SHISAL1: variants seen among roughly 807,000 people sequenced by gnomAD.
SHISAL1 encodes the protein protein shisa-like-1.
SHISAL1 carries 9 observed loss-of-function variants against 22.6 expected under a neutral mutation model. The observed-to-expected ratio is 0.40, with a 90% CI of 0.24 to 0.70. SHISAL1 has a LOEUF of 0.70. Ranked by LOEUF, SHISAL1 falls within the 30% of genes least tolerant of loss-of-function variation. The pLI is 0.39. For synonymous variants in SHISAL1, 119 were observed against 115.4 expected (o/e 1.03, Z -0.20); for missense variants, 246 against 270.6 (o/e 0.91, Z 0.64).
intron 4 of SHISAL1, among the ~76,000 whole-genome samples, chr22:44,260,653 T>G (rs555787383): frequency 6.6e-6 from 1 of 152,388 alleles, no homozygotes; most frequent in Admixed American, 6.5e-5. Flanking sequence ...AAACTTAAAA[T>G]GCAGAGCCAA....
chr22:44,251,113 T>C (rs1357777672), intron 4 of SHISAL1, among the ~76,000 whole-genome samples: 1 of 152,200 alleles, frequency 6.6e-6, no homozygotes, highest in African/African-American at 2.4e-5. Context: ...TACCACCTAT[T>C]GTACTTACTT....
At position 44,312,793 on chromosome 22, in the gene SHISAL1, G is replaced by A. The variant is rs1430083868; in HGVS notation, c.-75C>T. ...TGAGGGATCAGAAGCCCCCTCCGCTGGCTGCGGTCTCCCTGCAGCTGCTGG... is the reference window on the plus strand; with the variant it reads ...TGAGGGATCAGAAGCCCCCTCCGCTAGCTGCGGTCTCCCTGCAGCTGCTGG... On this transcript the variant is annotated 5_prime_UTR_variant, in exon 1 of 5. Transcript: ENST00000381176. The A allele has an allele frequency of 6.6e-6, 1 of 152,398 alleles. No homozygotes were observed. Among genetic ancestry groups the A allele is most frequent in the East Asian group, 1.9e-4 (1 of 5,200 alleles). 9.4% of individuals were successfully genotyped at this position (152,398 alleles called of 1,614,324 possible).
rs961871219 is a variant in SHISAL1 at position 44,245,758 on chromosome 22, A to C, written c.*3927T>G. 5.3e-5 allele frequency: 8 copies of C among 152,258 alleles called. No homozygotes were observed. The highest frequency in any genetic ancestry group is 1.9e-4 in the African/African-American group (8 of 41,430). 9.4% of individuals were successfully genotyped at this position (152,258 alleles called of 1,614,324 possible). A position where few individuals can be genotyped will look rare whatever the true frequency, so the allele number is the denominator to read the frequency against. ...CTTTTGGGTTGACGGTGAACTGGAA[A>C]CCATCTCCTGGCCAAAGAAGCCTGT... On this transcript the variant is annotated 3_prime_UTR_variant, in exon 5 of 5. Transcript: ENST00000381176.
chr22:44,330,644 G>C, the SHISAL1 span, among the ~76,000 whole-genome samples: 1 of 151,024 alleles, frequency 6.6e-6, no homozygotes, highest in Non-Finnish European at 1.5e-5. Flanking sequence ...GCGCCAGGAC[G>C]CGCTGGCTTT....
chr22:44,296,772 G>T lies in SHISAL1; in HGVS notation c.181C>A (p.His61Asn). 6.2e-7 allele frequency: 1 copy of T among 1,614,084 alleles called. No homozygotes were observed. Among genetic ancestry groups the T allele is most frequent in the Non-Finnish European group, 8.5e-7 (1 of 1,180,002 alleles). ...TATTTGAAGACCGTGTTGTTATGGT[G>T]ACAACAGAGGATGAAGGTCTTGTTG... The part of the protein sequence containing the change: ...SDNKTFILCC[H>N]HNNTVFKYCC... Residue 61 changes from histidine to asparagine, a missense_variant, in exon 3 of 5, where the codon CAC becomes AAC. By Grantham distance (68) the His-to-Asn change is moderately conservative. This residue lies in a region of SHISAL1 where 110 missense variants were observed against 153.1 expected (regional missense o/e 0.72). Coordinates refer to ENST00000381176, the MANE Select transcript of SHISAL1 (RefSeq NM_001099294.2).
intron 1 of SHISAL1, among the ~76,000 whole-genome samples, chr22:44,312,321 A>G (rs141433239): frequency 6.6e-6 from 1 of 152,164 alleles, no homozygotes; most frequent in Non-Finnish European, 1.5e-5. Flanking sequence ...AGCCAACCAA[A>G]TGCCCTCCAG....
Position 44,266,528 on chromosome 22 carries a change from A to ATGTGTGTATG in SHISAL1, c.*-16844_*-16843insCATACACACA, listed in dbSNP as rs1555926299. 4.6e-5 allele frequency among the ~76,000 whole-genome samples: 5 copies of ATGTGTGTATG among 108,328 alleles called. 1 individual carries two copies. The highest frequency in any genetic ancestry group is 1.9e-4 in the African/African-American group (5 of 26,340). The allele number at this position is 108,328 out of a possible 152,430, so 71.1% of individuals were successfully genotyped here. A position where few individuals can be genotyped will look rare whatever the true frequency, so the allele number is the denominator to read the frequency against. On this transcript the variant is annotated intron_variant, in intron 4 of 4. Transcript: ENST00000381176. Reference sequence around the variant, plus strand: ...ATGTGTGTGTTGGGGGCTTTGGGGTATGTGTGTGTGTGTGTGTGTGTGTGT... The same window carrying ATGTGTGTATG: ...ATGTGTGTGTTGGGGGCTTTGGGGTATGTGTGTATGTGTGTGTGTGTGTGTGTGTGTGTGT...
rs1205020832 is a variant in SHISAL1, at chr22:44,310,263, T to C, written c.-33+2488A>G. Among the ~76,000 whole-genome samples the C allele has an allele frequency of 1.3e-5, 2 of 152,190 alleles. No individual in the cohort carries two copies. The highest frequency in any genetic ancestry group is 2.4e-5 in the African/African-American group (1 of 41,454). ...ACACGTAGTAGGCACTTTATAAACA[T>C]GTGTTAATTGGTTGAATGAACATAA... is the stretch of plus-strand genomic sequence containing the variant. On this transcript the variant is annotated intron_variant, in intron 1 of 4. Transcript: ENST00000381176. The surrounding 1 kb of genome is among the most constrained non-coding windows in gnomAD (Gnocchi z 4.0).
intron 1 of SHISAL1, among the ~76,000 whole-genome samples, chr22:44,303,935 A>T (rs2055451720): frequency 6.6e-6 from 1 of 151,356 alleles, no homozygotes; most frequent in African/African-American, 2.4e-5. Context: ...ACGCCAGGTG[A>T]GGCCCTCCGC....
intron 1 of SHISAL1, among the ~76,000 whole-genome samples, chr22:44,306,370 T>TGTGGAAGG: frequency 7.4e-6 from 1 of 134,296 alleles, no homozygotes. Flanking sequence ...CGATGGCGTG[T>TGTGGAAGG]GCGGAGGGGA....
intron 2 of SHISAL1, among the ~76,000 whole-genome samples, chr22:44,300,575 G>A (rs948708837): frequency 6.6e-5 from 10 of 152,170 alleles, no homozygotes; most frequent in Non-Finnish European, 1.0e-4. Context: ...ACCTTGTCTC[G>A]CAGGGGCAAA....
chr22:44,307,557 C>T lies in SHISAL1; in HGVS notation c.-33+5194G>A, dbSNP rs546296783. On this transcript the variant is annotated intron_variant, in intron 1 of 4. Coordinates refer to ENST00000381176, the MANE Select transcript of SHISAL1 (RefSeq NM_001099294.2). ...TTGGTAAACTTCCTAAGATGGTAGT[C>T]CGTGGCCAACAACAAAACTCAAACA... is the stretch of plus-strand genomic sequence containing the variant. 2.7e-4 allele frequency among the ~76,000 whole-genome samples: 41 copies of T among 152,270 alleles called. 1 individual carries two copies. Among genetic ancestry groups the T allele is most frequent in the Middle Eastern group, 3.4e-3 (1 of 294 alleles).
Position 44,260,109 on chromosome 22 carries a change from C to T in SHISAL1, c.*-10424G>A, listed in dbSNP as rs564734694. ...AAGACATACAAGCAAGTCAGGTGGA[C>T]CCTGCACCTCCTCACTCCCTCCCCT... On this transcript the variant is annotated intron_variant, in intron 4 of 4. Coordinates refer to ENST00000381176, the MANE Select transcript of SHISAL1 (RefSeq NM_001099294.2). 2.6e-5 allele frequency among the ~76,000 whole-genome samples: 4 copies of T among 152,256 alleles called. No homozygotes were observed. The South Asian group carries it at 8.3e-4, about 32-fold the overall frequency.
At chr22:44,299,977 GAGACAA>G (rs1487777045) in intron 2 of SHISAL1, among the ~76,000 whole-genome samples, 1 of 148,882 alleles carries the variant, frequency 6.7e-6, no homozygotes, top group African/African-American at 2.5e-5. Flanking sequence ...GACATAGACA[GAGACAA>G]AGACAAAGAG....
Position 44,310,238 on chromosome 22 carries a change from A to G in SHISAL1, c.-33+2513T>C, listed in dbSNP as rs1171680090. On this transcript the variant is annotated intron_variant, in intron 1 of 4. Transcript: ENST00000381176. This position sits in a 1 kb window ranked among gnomAD's most constrained non-coding sequence, Gnocchi z 4.0. ...CATCTCTATGGGCAGCACAGGCCTG[A>G]CACGTAGTAGGCACTTTATAAACAT... Among the ~76,000 whole-genome samples, 1 of 152,236 alleles carries G rather than the reference A, an allele frequency of 6.6e-6. No individual in the cohort carries two copies. The highest frequency in any genetic ancestry group is 1.5e-5 in the Non-Finnish European group (1 of 68,044).
At chr22:44,298,943 C>T (rs899804279) in intron 2 of SHISAL1, among the ~76,000 whole-genome samples, 2 of 152,194 alleles carry the variant, frequency 1.3e-5, no homozygotes, top group East Asian at 1.9e-4. Context: ...GGCTGGGAGC[C>T]GGGACAACCG....
chr22:44,307,826 C>A (rs969170749), intron 1 of SHISAL1, among the ~76,000 whole-genome samples: 6 of 152,234 alleles, frequency 3.9e-5, no homozygotes, highest in African/African-American at 1.4e-4. Flanking sequence ...GGAACAGCAA[C>A]GGATCTGTTT....
chr22:44,260,680 C>G (rs1175016723), intron 4 of SHISAL1, among the ~76,000 whole-genome samples: 4 of 152,238 alleles, frequency 2.6e-5, no homozygotes, highest in African/African-American at 9.6e-5. Flanking sequence ...GCCTGTAGGC[C>G]ACAGTCTGGC....
intron 3 of SHISAL1, among the ~76,000 whole-genome samples, chr22:44,290,991 C>A (rs58205971): frequency 7.2e-4 from 109 of 152,290 alleles, no homozygotes; most frequent in African/African-American, 2.6e-3. Context: ...AATACCACTG[C>A]GCCTGGCTGA....
Sources: gnomAD v4.1 joint callset for allele counts (sites outside exome capture counted in the v4.1 genomes callset) on GRCh38, gnomAD v4.1.1 for gene constraint, gnomAD v4.1.1 regional missense constraint, Gnocchi (gnomAD v3.1) non-coding constraint, MANE v1.5 for transcripts, NCBI Gene and HGNC (gene_info 2026-07-23, HGNC 2026-07-21) for gene names.